CCDC73: variants seen among roughly 807,000 people sequenced by gnomAD.
The protein encoded by CCDC73 is coiled-coil domain-containing protein 73.
Under a neutral mutation model 116.5 loss-of-function variants are expected in CCDC73, and 95 were observed. The ratio of observed to expected loss-of-function variants is 0.82; its 90% CI spans 0.69 to 0.97. The LOEUF (loss-of-function observed/expected upper bound fraction) is 0.97. CCDC73 is among the 50% of genes least tolerant of loss of function. The pLI is 0.00. For missense variants in CCDC73, 1,066 were observed against 1,206.8 expected, an observed-to-expected ratio of 0.88 and a Z score of 1.73; for synonymous variants, 398 against 401.3, an observed-to-expected ratio of 0.99 and a Z score of 0.10.
chr11:32,657,662 AAG>A (rs1855886165), intron 9 of CCDC73, among the ~76,000 whole-genome samples: 2 of 152,084 alleles, frequency 1.3e-5, no homozygotes, highest in Non-Finnish European at 2.9e-5. Context: ...TATAAAGAGA[AAG>A]AGAATGAGGT....
chr11:32,644,663 C>A (rs1271015693), intron 12 of CCDC73, among the ~76,000 whole-genome samples: 1 of 152,116 alleles, frequency 6.6e-6, no homozygotes, highest in Non-Finnish European at 1.5e-5. Context: ...CCCAGTTGTT[C>A]ATTTTAACAA....
intron 2 of CCDC73, among the ~76,000 whole-genome samples, chr11:32,759,390 G>A (rs1006275596): frequency 1.3e-5 from 2 of 149,486 alleles, no homozygotes; most frequent in Non-Finnish European, 3.0e-5. Flanking sequence ...TAGTGCAGTG[G>A]CGTGATCTTG....
intron 2 of CCDC73, among the ~76,000 whole-genome samples, chr11:32,727,408 C>T (rs1018546891): frequency 9.2e-5 from 14 of 152,142 alleles, no homozygotes; most frequent in African/African-American, 1.2e-4. Flanking sequence ...AGCTCTGCTT[C>T]CCAGAGGGAG....
rs1850487170 is a variant in CCDC73, at chr11:32,770,780, A to ATG, written c.-15-10523_-15-10522insCA. Among the ~76,000 whole-genome samples, 3 of 152,284 alleles carry ATG rather than the reference A, an allele frequency of 2.0e-5. No individual in the cohort carries two copies. In the East Asian group the frequency reaches 5.8e-4, roughly 29 times the overall value. On this transcript the variant is annotated intron_variant, in intron 1 of 17. Transcript: ENST00000335185. ...TTTTTTTTAGCTGAATATTGAAAAT[A>ATG]CGGGGAGAGAGATGAAGTCAAAAAG...
At chr11:32,641,521 C>A (rs1291723032) in intron 13 of CCDC73, among the ~76,000 whole-genome samples, 1 of 151,936 alleles carries the variant, frequency 6.6e-6, no homozygotes, top group African/African-American at 2.4e-5. Flanking sequence ...AAGTCAACTA[C>A]TGCACACATG....
intron 3 of CCDC73, among the ~76,000 whole-genome samples, chr11:32,717,287 T>A (rs1849954480): frequency 6.6e-6 from 1 of 152,230 alleles, no homozygotes; most frequent in Non-Finnish European, 1.5e-5. Flanking sequence ...AGCACTATCA[T>A]AAATGCTTCA....
intron 14 of CCDC73, among the ~76,000 whole-genome samples, chr11:32,633,573 C>T (rs968635191): frequency 2.0e-5 from 3 of 152,178 alleles, no homozygotes; most frequent in African/African-American, 7.2e-5. Context: ...GGAAAAGGCA[C>T]ATGAGTTGCA....
the CCDC73 span, among the ~76,000 whole-genome samples, chr11:32,800,225 T>C: frequency 1.3e-4 from 20 of 152,280 alleles, no homozygotes; most frequent in Non-Finnish European, 2.5e-4. Flanking sequence ...AATAATTATC[T>C]AGAAGATGTA....
rs569658404 is a variant in CCDC73 at position 32,660,064 on chromosome 11, G to A, written c.646-5092C>T. Reference sequence around the variant, plus strand: ...ATGAATGTTGGGGAATTATCACAATGTCAGTTACAAGAACAGTTTCAGCTA... The same window carrying A: ...ATGAATGTTGGGGAATTATCACAATATCAGTTACAAGAACAGTTTCAGCTA... On this transcript the variant is annotated intron_variant, in intron 9 of 17. Coordinates refer to ENST00000335185, the MANE Select transcript of CCDC73 (RefSeq NM_001008391.4). Among the ~76,000 whole-genome samples the A allele has an allele frequency of 1.3e-4, 20 of 152,128 alleles. No individual in the cohort carries two copies. In the South Asian group the frequency reaches 1.7e-3, roughly 13 times the overall value.
chr11:32,665,642 C>T (rs1855973909), intron 9 of CCDC73, among the ~76,000 whole-genome samples: 1 of 152,160 alleles, frequency 6.6e-6, no homozygotes, highest in East Asian at 1.9e-4. Flanking sequence ...TTAATTGGAG[C>T]ATTTAGCCCA....
Position 32,748,495 on chromosome 11 carries a change from T to G in CCDC73, c.135+11614A>C, listed in dbSNP as rs571488722. Reference sequence around the variant, plus strand: ...CATTTTTGTTGTTTCCATTCATATCTTATTATACTGTCTATGTCTTGAAAA... The same window carrying G: ...CATTTTTGTTGTTTCCATTCATATCGTATTATACTGTCTATGTCTTGAAAA... On this transcript the variant is annotated intron_variant, in intron 2 of 17. Transcript: ENST00000335185. 5.3e-5 allele frequency among the ~76,000 whole-genome samples: 8 copies of G among 152,234 alleles called. No homozygotes were observed. The South Asian group carries it at 1.7e-3, about 32-fold the overall frequency.
chr11:32,815,840 G>A, the CCDC73 span, among the ~76,000 whole-genome samples: 45 of 152,220 alleles, frequency 3.0e-4, no homozygotes, highest in Admixed American at 1.1e-3. Context: ...TTACACACCT[G>A]CAGTTTCCTC....
At chr11:32,637,931 A>C (rs116450119) in intron 13 of CCDC73, among the ~76,000 whole-genome samples, 34 of 152,298 alleles carry the variant, frequency 2.2e-4, no homozygotes, top group Middle Eastern at 3.4e-3. Context: ...AAGCACCATA[A>C]ATTCTACAGT....
At chr11:32,620,524 T>C (rs867247572) in intron 14 of CCDC73, among the ~76,000 whole-genome samples, 1 of 139,418 alleles carries the variant, frequency 7.2e-6, no homozygotes, top group Non-Finnish European at 1.5e-5. Flanking sequence ...GGCAGGAGAA[T>C]GACAGGAACC....
the CCDC73 span, among the ~76,000 whole-genome samples, chr11:32,809,552 C>T: frequency 1.3e-5 from 2 of 152,158 alleles, no homozygotes; most frequent in African/African-American, 4.8e-5. Context: ...ATAATGTGCC[C>T]TTACCCTTGC....
chr11:32,744,902 CCTTCAGTT>C (rs1383410015), intron 2 of CCDC73, among the ~76,000 whole-genome samples: 2 of 152,038 alleles, frequency 1.3e-5, no homozygotes. Context: ...ATCTCTATCT[CCTTCAGTT>C]CTTCTCTGAT....
the CCDC73 span, among the ~76,000 whole-genome samples, chr11:32,827,862 G>A: frequency 1.3e-5 from 2 of 152,148 alleles, no homozygotes; most frequent in African/African-American, 4.8e-5. Context: ...AGTGCTGTAG[G>A]TTGACTCAAT....
At chr11:32,620,375 G>A (rs1235184897) in intron 14 of CCDC73, among the ~76,000 whole-genome samples, 4 of 152,062 alleles carry the variant, frequency 2.6e-5, no homozygotes, top group African/African-American at 9.7e-5. Flanking sequence ...AGAAACCACA[G>A]TTTTCTTATA....
At chr11:32,698,119 G>C (rs1319869458) in intron 6 of CCDC73, among the ~76,000 whole-genome samples, 1 of 148,512 alleles carries the variant, frequency 6.7e-6, no homozygotes, top group Non-Finnish European at 1.5e-5. Flanking sequence ...GCGCCTCCCG[G>C]GTTCACGCCA....
Sources: gnomAD v4.1 joint callset for allele counts (sites outside exome capture counted in the v4.1 genomes callset) on GRCh38, gnomAD v4.1.1 for gene constraint, MANE v1.5 for transcripts, NCBI Gene and HGNC (gene_info 2026-07-23, HGNC 2026-07-21) for gene names.